Variants in FRMPD4 observed in about 807,000 individuals in gnomAD.
The protein encoded by FRMPD4 is FERM and PDZ domain containing 4, also known as FERM and PDZ domain-containing protein 4.
A neutral mutation model predicts 94.1 loss-of-function variants in FRMPD4; 22 were observed. That is an observed-to-expected ratio of 0.23 (90% CI 0.17 to 0.33). The LOEUF is 0.33. FRMPD4 is among the 10% of genes least tolerant of loss of function. FRMPD4 has a pLI of 1.00. For synonymous variants in FRMPD4, 631 were observed against 548.6 expected (o/e 1.15, Z -2.10); for missense variants, 1,111 against 1,339.9 (o/e 0.83, Z 2.67).
chrX:11,901,603 A>G (rs1601829796), intron 3 of FRMPD4, among the ~76,000 whole-genome samples: 1 of 112,143 alleles, frequency 8.9e-6, no homozygotes, highest in Non-Finnish European at 1.9e-5. Context: ...TCCTCTGAGT[A>G]AATGCCCAGT....
At chrX:12,427,146 T>C (rs2056955162) in intron 1 of FRMPD4, among the ~76,000 whole-genome samples, 1 of 112,207 alleles carries the variant, frequency 8.9e-6, no homozygotes, top group African/African-American at 3.2e-5. Context: ...ACCTTAGAAC[T>C]TAATTTTGTT....
intron 2 of FRMPD4, among the ~76,000 whole-genome samples, chrX:12,583,041 C>T (rs953307528): frequency 7.1e-5 from 8 of 111,997 alleles, no homozygotes; most frequent in African/African-American, 2.3e-4. Context: ...ATGCTCCCTC[C>T]TCAATCAAGC....
chrX:12,507,355 A>C (rs891315845), intron 2 of FRMPD4, among the ~76,000 whole-genome samples: 7 of 112,357 alleles, frequency 6.2e-5, no homozygotes, highest in African/African-American at 2.3e-4. Flanking sequence ...TCAACAGTGC[A>C]AGTCTGCCAT....
intron 1 of FRMPD4, among the ~76,000 whole-genome samples, chrX:12,204,929 C>G (rs2056674162): frequency 9.1e-6 from 1 of 110,395 alleles, no homozygotes; most frequent in Non-Finnish European, 1.9e-5. Flanking sequence ...TTGCCCCATT[C>G]ATGAATTAGG....
chrX:12,475,453 T>G (rs1290419420), intron 1 of FRMPD4, among the ~76,000 whole-genome samples: 1 of 111,380 alleles, frequency 9.0e-6, no homozygotes, highest in Non-Finnish European at 1.9e-5. Context: ...GTGTTGGAAG[T>G]TCTGGCCAGG....
intron 2 of FRMPD4, among the ~76,000 whole-genome samples, chrX:12,532,869 C>A (rs1267639269): frequency 8.9e-6 from 1 of 111,923 alleles, no homozygotes; most frequent in African/African-American, 3.2e-5. Context: ...TTACCCAGTC[C>A]AAAATGTCAA....
chrX:11,850,221 A>G (rs1009023269), intron 1 of FRMPD4, among the ~76,000 whole-genome samples: 3 of 112,480 alleles, frequency 2.7e-5, no homozygotes, highest in African/African-American at 9.7e-5. Flanking sequence ...TGAAAATCAC[A>G]ATAAGATACT....
chrX:12,204,483 C>G (rs968697952), intron 1 of FRMPD4, among the ~76,000 whole-genome samples: 3 of 111,333 alleles, frequency 2.7e-5, no homozygotes, highest in African/African-American at 9.8e-5. Context: ...GGCCAGAGCT[C>G]TCTCCCCCAG....
chrX:12,638,299 G>A (rs963559754), intron 4 of FRMPD4, among the ~76,000 whole-genome samples: 1 of 112,531 alleles, frequency 8.9e-6, no homozygotes, highest in Non-Finnish European at 1.9e-5. Flanking sequence ...TCTCCACTCT[G>A]TCACCCAGGC....
chrX:11,843,094 A>T (rs186955354), intron 1 of FRMPD4, among the ~76,000 whole-genome samples: 3 of 112,170 alleles, frequency 2.7e-5, no homozygotes, highest in African/African-American at 9.7e-5. Context: ...ATTATGGTGC[A>T]TGAAATTAGT....
intron 1 of FRMPD4, among the ~76,000 whole-genome samples, chrX:12,193,834 G>A (rs796403705): frequency 0.017 from 571 of 33,009 alleles, 124 homozygotes; most frequent in East Asian, 0.17. Flanking sequence ...AAGGAGGGAA[G>A]GAAGAAAGAA....
intron 1 of FRMPD4, among the ~76,000 whole-genome samples, chrX:12,147,574 T>C (rs2055786825): frequency 8.9e-6 from 1 of 111,827 alleles, no homozygotes; most frequent in Non-Finnish European, 1.9e-5. Context: ...GGTATTATAA[T>C]TGAGTCCAGT....
intron 3 of FRMPD4, among the ~76,000 whole-genome samples, chrX:11,979,438 ATGTGCAAG>A (rs2054385790): frequency 8.9e-6 from 1 of 112,254 alleles, no homozygotes; most frequent in South Asian, 3.7e-4. Context: ...GACTGGGAAC[ATGTGCAAG>A]TTAACTAATT....
chrX:12,583,407 A>C, intron 2 of FRMPD4: 1 of 1,129,423 alleles, frequency 8.9e-7, no homozygotes, highest in Non-Finnish European at 1.2e-6. Context: ...AGTACTGGGC[A>C]CACTCACCGA....
At chrX:12,168,856 A>T (rs779557552) in intron 1 of FRMPD4, among the ~76,000 whole-genome samples, 1 of 110,709 alleles carries the variant, frequency 9.0e-6, no homozygotes, top group African/African-American at 3.3e-5. Flanking sequence ...CCATTTCCTG[A>T]CCTCGTGATC....
intron 1 of FRMPD4, among the ~76,000 whole-genome samples, chrX:12,262,601 C>T (rs143739313): frequency 9.3e-4 from 104 of 112,092 alleles, no homozygotes; most frequent in African/African-American, 3.2e-3. Flanking sequence ...ACATGTAGAA[C>T]AGTATTTGGA....
intron 1 of FRMPD4, among the ~76,000 whole-genome samples, chrX:12,434,138 T>C (rs775679799): frequency 8.9e-6 from 1 of 111,917 alleles, no homozygotes; most frequent in South Asian, 3.8e-4. Context: ...TTTTCACACA[T>C]GGTTGTGTTC....
chrX:11,843,167 A>T (rs2053549067), intron 1 of FRMPD4, among the ~76,000 whole-genome samples: 1 of 111,958 alleles, frequency 8.9e-6, no homozygotes, highest in Admixed American at 9.5e-5. Flanking sequence ...GCTATCTTGT[A>T]TAATCCTTTT....
Position 12,558,053 on chromosome X carries a change from G to C in FRMPD4, c.159-51668G>C, listed in dbSNP as rs144920373. Among the ~76,000 whole-genome samples the C allele has an allele frequency of 8.7e-3, 983 of 112,562 alleles. 8 individuals carry two copies. The highest frequency in any genetic ancestry group is 0.027 in the African/African-American group (848 of 30,993). ...ATGGTAAAAACAAGATATGCAGTAG[G>C]TCTGAAGGATTCCAAAAAGCAAGTC... On this transcript the variant is annotated intron_variant, in intron 2 of 16. Transcript: ENST00000675598.
Sources: allele counts gnomAD v4.1 joint callset (sites outside exome capture counted in the v4.1 genomes callset), GRCh38; gene constraint gnomAD v4.1.1; transcripts MANE v1.5; gene names NCBI Gene and HGNC (gene_info 2026-07-23, HGNC 2026-07-21).